ANK2: variants seen among roughly 807,000 people sequenced by gnomAD.
The protein encoded by ANK2 is ankyrin 2, also known as ankyrin-2.
Under a neutral mutation model 360.5 loss-of-function variants are expected in ANK2, and 83 were observed. That is an observed-to-expected ratio of 0.23 (90% CI 0.19 to 0.28). The LOEUF (loss-of-function observed/expected upper bound fraction) is 0.28, where lower values mean the gene tolerates loss of function less well. Among genes scored for constraint, ANK2 ranks in the 10% least tolerant of loss-of-function variants. The pLI, the probability that ANK2 is intolerant of heterozygous loss-of-function variation, is 1.00. For synonymous variants in ANK2, 1,740 were observed against 1,759.5 expected (o/e 0.99, Z 0.28); for missense variants, 4,201 against 4,795.7 (o/e 0.88, Z 3.66).
intron 45 of ANK2, among the ~76,000 whole-genome samples, chr4:113,376,596 A>T (rs2096942693): frequency 6.6e-6 from 1 of 152,178 alleles, no homozygotes; most frequent in African/African-American, 2.4e-5. Context: ...CTTCTGCAAT[A>T]ATAAATTAAC....
chr4:112,889,549 AT>A (rs1489151890), intron 1 of ANK2, among the ~76,000 whole-genome samples: 1 of 150,636 alleles, frequency 6.6e-6, no homozygotes, highest in African/African-American at 2.4e-5. Flanking sequence ...AGATTTTTCT[AT>A]TTTTTTCCTT....
chr4:113,306,100 T>C (rs1258702171), intron 23 of ANK2, among the ~76,000 whole-genome samples: 1 of 152,186 alleles, frequency 6.6e-6, no homozygotes, highest in African/African-American at 2.4e-5. Context: ...GCTCTATAAC[T>C]GATGCCACAG....
chr4:112,751,286 C>G, the ANK2 span, among the ~76,000 whole-genome samples: 1 of 152,210 alleles, frequency 6.6e-6, no homozygotes, highest in African/African-American at 2.4e-5. Context: ...AGCAAGCGAC[C>G]CGTGAAAGAG....
intron 2 of ANK2, among the ~76,000 whole-genome samples, chr4:113,017,412 T>C (rs563391415): frequency 1.1e-3 from 162 of 152,118 alleles, no homozygotes; most frequent in Middle Eastern, 3.4e-3. Context: ...TGCATGTCTT[T>C]GATATTTTTT....
intron 1 of ANK2, among the ~76,000 whole-genome samples, chr4:112,896,610 C>G (rs2081829718): frequency 6.6e-6 from 1 of 152,180 alleles, no homozygotes; most frequent in African/African-American, 2.4e-5. Flanking sequence ...AAGAAAGACA[C>G]CTTTGATGTC....
intron 22 of ANK2, among the ~76,000 whole-genome samples, chr4:113,298,433 T>C (rs182033853): frequency 9.8e-5 from 15 of 152,290 alleles, no homozygotes; most frequent in African/African-American, 2.2e-4. Context: ...ATAAATGCAA[T>C]TGGTGACCAG....
chr4:113,176,786 C>A (rs141526284), intron 2 of ANK2, among the ~76,000 whole-genome samples: 1 of 152,084 alleles, frequency 6.6e-6, no homozygotes, highest in Admixed American at 6.5e-5. Context: ...CTCCTCCCCC[C>A]ACCCCACAAC....
upstream of ANK2, among the ~76,000 whole-genome samples, chr4:113,044,661 G>A (rs925304842): frequency 3.3e-5 from 5 of 152,076 alleles, no homozygotes. Flanking sequence ...GCTTTTAGTG[G>A]TTGCTGGCAA....
At chr4:113,333,434 A>G (rs1052173861) in intron 29 of ANK2, among the ~76,000 whole-genome samples, 4 of 152,094 alleles carry the variant, frequency 2.6e-5, no homozygotes, top group Non-Finnish European at 5.9e-5. Context: ...TACATTCAGG[A>G]AAATAAAAGC....
At position 113,172,249 on chromosome 4, in the gene ANK2, G is replaced by C. The variant is rs549031240; in HGVS notation, c.85-2167G>C. Among the ~76,000 whole-genome samples the C allele has an allele frequency of 3.2e-4, 48 of 152,302 alleles. 1 individual carries two copies. In the South Asian group the frequency reaches 9.5e-3, roughly 30 times the overall value. On this transcript the variant is annotated intron_variant, in intron 1 of 45. Coordinates refer to ENST00000357077, the MANE Select transcript of ANK2 (RefSeq NM_001148.6). ...AGGCACTTTATTTAGCAAGTGCCATGATTTACAGAGTAAATATGTAGACCA... is the reference window on the plus strand; with the variant it reads ...AGGCACTTTATTTAGCAAGTGCCATCATTTACAGAGTAAATATGTAGACCA...
chr4:113,063,874 TA>T (rs987629624), intron 1 of ANK2, among the ~76,000 whole-genome samples: 4 of 151,968 alleles, frequency 2.6e-5, no homozygotes, highest in Admixed American at 1.3e-4. Flanking sequence ...TAGATTGCAA[TA>T]AAAAAAACCA....
intron 1 of ANK2, among the ~76,000 whole-genome samples, chr4:113,108,781 A>G (rs1259884742): frequency 6.6e-6 from 1 of 152,184 alleles, no homozygotes; most frequent in Non-Finnish European, 1.5e-5. Context: ...TTACAAAGTT[A>G]GTTGGGTTAA....
chr4:112,764,587 C>T, the ANK2 span, among the ~76,000 whole-genome samples: 2 of 151,890 alleles, frequency 1.3e-5, no homozygotes, highest in Admixed American at 6.6e-5. Context: ...CTACCCACCT[C>T]GGCCTCGGCC....
chr4:112,953,311 G>A (rs1208740034), intron 2 of ANK2, among the ~76,000 whole-genome samples: 1 of 152,222 alleles, frequency 6.6e-6, no homozygotes, highest in African/African-American at 2.4e-5. Context: ...TTTATAGCTT[G>A]AATATTGTAA....
intron 1 of ANK2, among the ~76,000 whole-genome samples, chr4:113,132,525 A>G (rs1198381458): frequency 1.3e-5 from 2 of 152,164 alleles, no homozygotes; most frequent in Non-Finnish European, 2.9e-5. Flanking sequence ...CATTCCACAG[A>G]ACTACTTTGT....
chr4:112,875,970 G>A (rs889976990), intron 1 of ANK2, among the ~76,000 whole-genome samples: 1 of 148,088 alleles, frequency 6.8e-6, no homozygotes, highest in African/African-American at 2.5e-5. Context: ...TTCCAGGCTG[G>A]TCTTGAACTC....
intron 3 of ANK2, 60 bp downstream of exon 3, chr4:113,196,526 T>G (rs1266038442): frequency 7.1e-7 from 1 of 1,404,548 alleles, no homozygotes; most frequent in Non-Finnish European, 9.9e-7. Flanking sequence ...ATTTAAAGCT[T>G]TTCATTTTTA....
chr4:113,079,900 T>A (rs149705810), intron 1 of ANK2, among the ~76,000 whole-genome samples: 50,281 of 138,960 alleles, frequency 0.36, 10,474 homozygotes, highest in Non-Finnish European at 0.47. Flanking sequence ...CCTGAGAATT[T>A]TTTTTTTTTT....
intron 2 of ANK2, among the ~76,000 whole-genome samples, chr4:113,030,630 G>C (rs991072726): frequency 6.6e-6 from 1 of 152,066 alleles, no homozygotes; most frequent in African/African-American, 2.4e-5. Context: ...GTTACAAGCT[G>C]AATATGGGTC....
Sources: allele counts gnomAD v4.1 joint callset (sites outside exome capture counted in the v4.1 genomes callset), GRCh38; gene constraint gnomAD v4.1.1; transcripts MANE v1.5; gene names NCBI Gene and HGNC (gene_info 2026-07-23, HGNC 2026-07-21).